AFP: variants seen among roughly 807,000 people sequenced by gnomAD.
AFP encodes alpha-fetoprotein.
In AFP, 64 loss-of-function variants were observed where a neutral mutation model predicts 78.9. The ratio of observed to expected loss-of-function variants is 0.81; its 90% CI spans 0.66 to 1.00. The LOEUF is 1.00. Among genes scored for constraint, AFP ranks in the 50% least tolerant of loss-of-function variants. AFP has a pLI of 0.00. For missense variants in AFP, 689 were observed against 703.8 expected (o/e 0.98, Z 0.24); for synonymous variants, 254 against 243.8 (o/e 1.04, Z -0.39).
rs186097581 is a variant in AFP, at chr4:73,438,392, A to C, written c.270+86A>C. The C allele has an allele frequency of 6.9e-6, 10 of 1,449,998 alleles. No homozygotes were observed. The African/African-American group carries it at 1.4e-4, about 20-fold the overall frequency. 89.8% of individuals were successfully genotyped at this position (1,449,998 alleles called of 1,614,324 possible). ...GAAGATACAAAAATAGCAGTGAAAA[A>C]TGCATTTATATATTTGAAGAGCTAT... On this transcript the variant is annotated intron_variant, in intron 3 of 14. Transcript: ENST00000395792.
intron 5 of AFP, 82 bp from the exon 6 acceptor site, chr4:73,443,265 C>T: frequency 9.6e-7 from 1 of 1,046,900 alleles, no homozygotes; most frequent in Non-Finnish European, 1.5e-6. Context: ...TTTACCTATA[C>T]TTGTTGTTTT....
rs546331372 is a variant in AFP at position 73,455,408 on chromosome 4, A to G, written c.*10+118A>G. 17 of 906,756 alleles carry G rather than the reference A, an allele frequency of 1.9e-5. No homozygotes were observed. In the East Asian group the frequency reaches 3.7e-4, roughly 20 times the overall value. The allele number at this position is 906,756 out of a possible 1,614,324, so 56.2% of individuals were successfully genotyped here. Reference sequence around the variant, plus strand: ...CTCTTAAAAATACATGGAATTCAAAAAAAAGTTTATTTTAAAAACACTTGA... The same window carrying G: ...CTCTTAAAAATACATGGAATTCAAAGAAAAGTTTATTTTAAAAACACTTGA... On this transcript the variant is annotated intron_variant, in intron 14 of 14. Transcript: ENST00000395792.
intron 4 of AFP, among the ~76,000 whole-genome samples, chr4:73,441,235 C>T (rs1719653386): frequency 6.6e-6 from 1 of 152,068 alleles, no homozygotes; most frequent in Non-Finnish European, 1.5e-5. Context: ...CAAGCATGGT[C>T]AAGATACACA....
At position 73,452,561 on chromosome 4, in the gene AFP, A is replaced by C; in HGVS notation, c.1589A>C (p.Lys530Thr). 6.2e-7 allele frequency: 1 copy of C among 1,614,086 alleles called. No individual in the cohort carries two copies. Among genetic ancestry groups the C allele is most frequent in the South Asian group, 1.1e-5 (1 of 91,080 alleles). The change falls in exon 12 of 15, where the codon AAG becomes ACG. Residue 530 changes from lysine (K) to threonine (T), a missense_variant. Lys to Thr is a moderately conservative substitution (Grantham distance 78). Coordinates refer to ENST00000395792, the MANE Select transcript of AFP (RefSeq NM_001134.3). ...GTCCCTCCTGCATTCTCTGATGACA[A>C]GTTCATTTTCCATAAGGATCTGTGC... ...TYVPPAFSDD[K>T]FIFHKDLCQA...
intron 1 of AFP, 144 bp downstream of exon 1, chr4:73,436,491 T>A (rs1359730467): frequency 3.5e-6 from 2 of 569,560 alleles, no homozygotes; most frequent in African/African-American, 3.8e-5. Flanking sequence ...TATATTTAAA[T>A]GAAAGATAAA....
chr4:73,454,741 A>AGTGTGTGCACTTACCAGTATAT (rs1720109168), intron 13 of AFP, among the ~76,000 whole-genome samples: 1 of 152,132 alleles, frequency 6.6e-6, no homozygotes, highest in African/African-American at 2.4e-5. Context: ...GATGCATTTG[A>AGTGTGTGCACTTACCAGTATAT]GTGTGTGCAC....
At chr4:73,437,035 C>T in intron 1 of AFP, 125 bp from the exon 2 acceptor site, 19 of 739,030 alleles carry the variant, frequency 2.6e-5, no homozygotes, top group South Asian at 8.1e-5. Context: ...TTAGGTTATC[C>T]CTAATGTTCT....
At chr4:73,443,922 A>G (rs1163105208) in intron 6 of AFP, among the ~76,000 whole-genome samples, 4 of 152,284 alleles carry the variant, frequency 2.6e-5, no homozygotes, top group South Asian at 4.1e-4. Context: ...AGGCAATAAT[A>G]TTAGAATCTA....
intron 12 of AFP, 48 bp from the exon 13 acceptor site, chr4:73,453,717 C>T (rs1181362235): frequency 2.3e-5 from 37 of 1,602,222 alleles, no homozygotes; most frequent in Non-Finnish European, 3.1e-5. Flanking sequence ...AGAAAAATAG[C>T]ATTGCATAAC....
chr4:73,438,150 G>T (rs371206375), intron 2 of AFP, 24 bp from the exon 3 acceptor site: 325 of 1,612,546 alleles, frequency 2.0e-4, no homozygotes, highest in Non-Finnish European at 2.6e-4. Context: ...GTTCCTTAAG[G>T]ATTCACACGT....
chr4:73,451,140 G>T (rs976784040), intron 11 of AFP, among the ~76,000 whole-genome samples: 5 of 152,074 alleles, frequency 3.3e-5, no homozygotes, highest in African/African-American at 9.7e-5. Flanking sequence ...ATCTTTGATT[G>T]ATTAAAATTA....
intron 7 of AFP, among the ~76,000 whole-genome samples, chr4:73,446,519 A>G (rs1719831199): frequency 6.6e-6 from 1 of 152,180 alleles, no homozygotes; most frequent in Admixed American, 6.5e-5. Context: ...CTGGCCACTT[A>G]GGTGCATTGC....
chr4:73,448,912 C>T (rs983956036), intron 8 of AFP, among the ~76,000 whole-genome samples: 11 of 152,106 alleles, frequency 7.2e-5, no homozygotes, highest in Admixed American at 2.0e-4. Flanking sequence ...ATTGATTTAT[C>T]GCTAACTGAA....
In AFP at chr4:73,450,715, C is replaced by G; in HGVS notation, c.1390C>G (p.Leu464Val). 1 of 1,614,198 alleles carries G rather than the reference C, an allele frequency of 6.2e-7. No homozygotes were observed. The highest frequency in any genetic ancestry group is 8.5e-7 in the Non-Finnish European group (1 of 1,180,014). Residue 464 changes from leucine to valine, a missense_variant, in exon 11 of 15, where the codon CTC (leucine) becomes GTC (valine). Transcript: ENST00000395792. ...MAATAATCCQ[L>V]SEDKLLACGE... ...AGCCACAGCAGCCACTTGTTGCCAA[C>G]TCAGTGAGGACAAACTATTGGCCTG...
chr4:73,455,374 C>A, intron 14 of AFP, 84 bp downstream of exon 14: 1 of 1,112,444 alleles, frequency 9.0e-7, no homozygotes, highest in Non-Finnish European at 1.3e-6. Context: ...ATGAGGAGTG[C>A]CATTAATTCT....
chr4:73,453,449 C>T (rs1191148819), intron 12 of AFP: 1 of 314,844 alleles, frequency 3.2e-6, no homozygotes, highest in Non-Finnish European at 6.2e-6. Context: ...GTAGATAAGA[C>T]ACAGTTAAGA....
intron 11 of AFP, among the ~76,000 whole-genome samples, chr4:73,451,345 C>T (rs550827075): frequency 7.2e-4 from 110 of 152,236 alleles, no homozygotes; most frequent in African/African-American, 2.5e-3. Context: ...TAGTATCATA[C>T]ATAAGATTAC....
At chr4:73,441,567 C>CAAAA (rs35201987) in intron 4 of AFP, among the ~76,000 whole-genome samples, 2,894 of 95,538 alleles carry the variant, frequency 0.03, 179 homozygotes, top group Admixed American at 0.12. Context: ...GACTCCGTCT[C>CAAAA]AAAAAAAAAA....
At chr4:73,440,503 A>C (rs939388138) in intron 3 of AFP, 99 bp from the exon 4 acceptor site, 1 of 977,028 alleles carries the variant, frequency 1.0e-6, no homozygotes, top group Non-Finnish European at 1.6e-6. Flanking sequence ...TTCAGAATCT[A>C]TAGTTCTGAT....
Sources: allele counts gnomAD v4.1 joint callset (sites outside exome capture counted in the v4.1 genomes callset), GRCh38; gene constraint gnomAD v4.1.1; transcripts MANE v1.5; gene names NCBI Gene and HGNC (gene_info 2026-07-23, HGNC 2026-07-21).